Variants in PTPRD observed in about 807,000 individuals in gnomAD.
PTPRD encodes the protein protein tyrosine phosphatase receptor type D, also known as receptor-type tyrosine-protein phosphatase delta.
PTPRD carries 34 observed loss-of-function variants against 214.5 expected under a neutral mutation model. That is an observed-to-expected ratio of 0.16 (90% CI 0.12 to 0.21). PTPRD has a LOEUF of 0.21. Among genes scored for constraint, PTPRD ranks in the 10% least tolerant of loss-of-function variants. The pLI, the probability that PTPRD is intolerant of heterozygous loss-of-function variation, is 1.00. For synonymous variants in PTPRD, 1,128 were observed against 845.7 expected (o/e 1.33, Z -5.79); for missense variants, 2,545 against 2,398.7 (o/e 1.06, Z -1.27).
At chr9:9,294,669 G>C (rs1952394194) in intron 9 of PTPRD, among the ~76,000 whole-genome samples, 1 of 151,578 alleles carries the variant, frequency 6.6e-6, no homozygotes, top group South Asian at 2.1e-4. Flanking sequence ...TATCAGCCAA[G>C]AGACATGGCC....
chr9:10,100,487 C>T (rs1028947136), intron 3 of PTPRD, among the ~76,000 whole-genome samples: 12 of 151,384 alleles, frequency 7.9e-5, no homozygotes, highest in African/African-American at 2.2e-4. Context: ...ACTAGACACT[C>T]GGAAATACAT....
chr9:8,993,671 T>C (rs1424520216), intron 11 of PTPRD, among the ~76,000 whole-genome samples: 2 of 152,164 alleles, frequency 1.3e-5, no homozygotes, highest in African/African-American at 4.8e-5. Context: ...TCTTAGAATT[T>C]TTGAGTTCAG....
At chr9:8,832,107 TGTG>T (rs2097305842) in intron 11 of PTPRD, among the ~76,000 whole-genome samples, 1 of 27,540 alleles carries the variant, frequency 3.6e-5, no homozygotes, top group Non-Finnish European at 7.0e-5. Flanking sequence ...TGTGTATATG[TGTG>T]TGTGTGTGTG....
chr9:8,605,770 C>T (rs532465123), intron 14 of PTPRD, among the ~76,000 whole-genome samples: 14 of 152,248 alleles, frequency 9.2e-5, no homozygotes, highest in African/African-American at 3.4e-4. Context: ...AGACTTACAC[C>T]ACTTCCAGGC....
intron 9 of PTPRD, among the ~76,000 whole-genome samples, chr9:9,245,710 G>A (rs1278929963): frequency 6.6e-6 from 1 of 152,068 alleles, no homozygotes; most frequent in Non-Finnish European, 1.5e-5. Flanking sequence ...CATGGCACAT[G>A]TATACATATG....
chr9:9,456,778 T>C (rs1375061732), intron 8 of PTPRD, among the ~76,000 whole-genome samples: 1 of 151,908 alleles, frequency 6.6e-6, no homozygotes, highest in Non-Finnish European at 1.5e-5. Flanking sequence ...AGAGGTTAAA[T>C]AACTTCTTAA....
intron 7 of PTPRD, among the ~76,000 whole-genome samples, chr9:9,586,539 A>G (rs2091997991): frequency 6.6e-6 from 1 of 152,016 alleles, no homozygotes; most frequent in South Asian, 2.1e-4. Context: ...TATTCAGGTT[A>G]ATTTAGTTAA....
intron 10 of PTPRD, among the ~76,000 whole-genome samples, chr9:9,081,536 G>C (rs1200995873): frequency 1.3e-5 from 2 of 152,042 alleles, no homozygotes; most frequent in South Asian, 4.1e-4. Flanking sequence ...CCGAGTACAA[G>C]TCCTGAATAT....
At chr9:10,107,231 C>T (rs72694871) in intron 3 of PTPRD, among the ~76,000 whole-genome samples, 7,987 of 152,022 alleles carry the variant, frequency 0.053, 275 homozygotes, top group Admixed American at 0.1. Context: ...TGCACACACA[C>T]TCTCTTAGTT....
intron 39 of PTPRD, among the ~76,000 whole-genome samples, chr9:8,375,667 G>C (rs565670873): frequency 6.6e-6 from 1 of 152,058 alleles, no homozygotes; most frequent in East Asian, 1.9e-4. Flanking sequence ...TTATAGCCAT[G>C]TGCCCACTTA....
chr9:10,183,548 T>C (rs2099312940), intron 3 of PTPRD, among the ~76,000 whole-genome samples: 1 of 152,180 alleles, frequency 6.6e-6, no homozygotes, highest in Non-Finnish European at 1.5e-5. Context: ...AGAGAGAATA[T>C]GAGAAGAAGA....
chr9:10,365,708 A>C (rs73402270), intron 2 of PTPRD, among the ~76,000 whole-genome samples: 18,518 of 152,142 alleles, frequency 0.12, 1,184 homozygotes, highest in South Asian at 0.16. Context: ...CATTAGGTTT[A>C]ACCAATGGTT....
At chr9:8,592,862 A>G (rs1205211564) in intron 14 of PTPRD, among the ~76,000 whole-genome samples, 1 of 152,284 alleles carries the variant, frequency 6.6e-6, no homozygotes, top group Non-Finnish European at 1.5e-5. Context: ...ACGAAGTCAA[A>G]GACAGGTGGT....
chr9:8,486,639 C>T (rs1035531610), intron 27 of PTPRD, among the ~76,000 whole-genome samples: 1 of 152,148 alleles, frequency 6.6e-6, no homozygotes, highest in Non-Finnish European at 1.5e-5. Context: ...TAAACCTTCA[C>T]ACATAAAGGT....
intron 11 of PTPRD, among the ~76,000 whole-genome samples, chr9:8,802,195 G>C (rs1433393917): frequency 6.6e-6 from 1 of 152,126 alleles, no homozygotes; most frequent in Non-Finnish European, 1.5e-5. Flanking sequence ...AAGAAATACA[G>C]GGATTATCTG....
chr9:9,872,338 G>A (rs2065686819), intron 5 of PTPRD, among the ~76,000 whole-genome samples: 1 of 152,138 alleles, frequency 6.6e-6, no homozygotes, highest in Non-Finnish European at 1.5e-5. Flanking sequence ...GGAGACTCAT[G>A]GCTGTAATTC....
intron 10 of PTPRD, among the ~76,000 whole-genome samples, chr9:9,048,313 A>C (rs1319332607): frequency 6.6e-6 from 1 of 152,204 alleles, no homozygotes; most frequent in Non-Finnish European, 1.5e-5. Context: ...TATATACCCA[A>C]AAGAAAGGAA....
intron 12 of PTPRD, among the ~76,000 whole-genome samples, chr9:8,678,053 C>T (rs536531085): frequency 9.0e-4 from 137 of 152,136 alleles, no homozygotes; most frequent in African/African-American, 3.1e-3. Context: ...CTTGGAATCC[C>T]GGCAGTGAAG....
chr9:9,242,059 G>C (rs948005048), intron 9 of PTPRD, among the ~76,000 whole-genome samples: 2 of 151,994 alleles, frequency 1.3e-5, no homozygotes, highest in African/African-American at 2.4e-5. Context: ...AAATCTCTCA[G>C]CATTTGCTTG....
Sources: gnomAD v4.1 joint callset for allele counts (sites outside exome capture counted in the v4.1 genomes callset) on GRCh38, gnomAD v4.1.1 for gene constraint, MANE v1.5 for transcripts, NCBI Gene and HGNC (gene_info 2026-07-23, HGNC 2026-07-21) for gene names.